The following CAMTA1 variants were observed in gnomAD, a reference collection of about 807,000 sequenced individuals.
CAMTA1 encodes calmodulin binding transcription activator 1, also known as calmodulin-binding transcription activator 1.
In CAMTA1, 27 loss-of-function variants were observed where a neutral mutation model predicts 170.9. That is an observed-to-expected ratio of 0.16 (90% CI 0.12 to 0.22). The LOEUF (loss-of-function observed/expected upper bound fraction) is 0.22, where lower values mean the gene tolerates loss of function less well. Among genes scored for constraint, CAMTA1 ranks in the 10% least tolerant of loss-of-function variants. The pLI, the probability that CAMTA1 is intolerant of heterozygous loss-of-function variation, is 1.00. For missense variants in CAMTA1, 1,619 were observed against 2,217.2 expected (o/e 0.73, Z 5.42); for synonymous variants, 833 against 891.5 (o/e 0.93, Z 1.17).
At chr1:7,320,402 C>T (rs536535854) in intron 5 of CAMTA1, among the ~76,000 whole-genome samples, 20 of 152,114 alleles carry the variant, frequency 1.3e-4, no homozygotes, top group Non-Finnish European at 2.2e-4. Context: ...AATCAGTTGG[C>T]CATATGCTAT....
At position 7,310,646 on chromosome 1, in the gene CAMTA1, T is replaced by TTC. The variant is rs1429082784; in HGVS notation, c.438+61021_438+61022insCT. ...TTTCTTTCTTTCTTTCTTTCTTTCT[T>TTC]TTTTCTTTCTTTCTTTCTTTCTTTC... On this transcript the variant is annotated intron_variant, in intron 5 of 22. Transcript: ENST00000303635. 8.6e-4 allele frequency among the ~76,000 whole-genome samples: 26 copies of TTC among 30,230 alleles called. 1 individual carries two copies. Among genetic ancestry groups the TTC allele is most frequent in the African/African-American group, 2.9e-3 (24 of 8,154 alleles). The allele number at this position is 30,230 out of a possible 152,430, so 19.8% of individuals were successfully genotyped here.
At chr1:7,486,038 T>C (rs1277194782) in intron 6 of CAMTA1, among the ~76,000 whole-genome samples, 20 of 152,226 alleles carry the variant, frequency 1.3e-4, no homozygotes, top group Non-Finnish European at 1.0e-4. Context: ...AGACCATGCT[T>C]TCCCAGCTCC....
chr1:7,348,242 C>T (rs2084372701), intron 5 of CAMTA1, among the ~76,000 whole-genome samples: 1 of 152,238 alleles, frequency 6.6e-6, no homozygotes, highest in African/African-American at 2.4e-5. Flanking sequence ...TTCCTCCTGG[C>T]CCAGCTTCAG....
chr1:6,997,520 C>T (rs1466644250), intron 3 of CAMTA1, among the ~76,000 whole-genome samples: 1 of 152,110 alleles, frequency 6.6e-6, no homozygotes, highest in Non-Finnish European at 1.5e-5. Context: ...GGTTTTTACA[C>T]ATCTCTCTAA....
intron 11 of CAMTA1, among the ~76,000 whole-genome samples, chr1:7,705,977 T>C (rs2096520538): frequency 6.6e-6 from 1 of 152,164 alleles, no homozygotes; most frequent in African/African-American, 2.4e-5. Flanking sequence ...TTGCGCCTCT[T>C]TAGAGGTGGC....
intron 3 of CAMTA1, among the ~76,000 whole-genome samples, chr1:7,061,458 G>A (rs981116930): frequency 1.3e-5 from 2 of 152,208 alleles, no homozygotes; most frequent in Non-Finnish European, 2.9e-5. Context: ...CGGCGTCTGT[G>A]CCAGACCAGT....
chr1:6,969,390 G>T (rs927749659), intron 3 of CAMTA1, among the ~76,000 whole-genome samples: 2 of 152,340 alleles, frequency 1.3e-5, no homozygotes, highest in East Asian at 3.9e-4. Flanking sequence ...GGAGTGAGCG[G>T]CTAGGTTGGG....
chr1:7,427,534 A>G (rs1384796499), intron 5 of CAMTA1, among the ~76,000 whole-genome samples: 1 of 152,236 alleles, frequency 6.6e-6, no homozygotes, highest in Admixed American at 6.5e-5. Context: ...TATAAGCTGT[A>G]TAAATAGTAT....
intron 3 of CAMTA1, among the ~76,000 whole-genome samples, chr1:7,090,423 G>A (rs1043726515): frequency 7.2e-5 from 11 of 152,294 alleles, no homozygotes; most frequent in South Asian, 6.2e-4. Context: ...CAGGAGCTGC[G>A]TGTTGTAGCA....
chr1:7,687,372 C>A (rs2096267954), intron 11 of CAMTA1, among the ~76,000 whole-genome samples: 1 of 151,942 alleles, frequency 6.6e-6, no homozygotes, highest in Non-Finnish European at 1.5e-5. Context: ...TGGGTAAGAG[C>A]CCTCCAAGCA....
intron 5 of CAMTA1, among the ~76,000 whole-genome samples, chr1:7,276,214 A>G (rs1265685591): frequency 7.1e-6 from 1 of 141,588 alleles, no homozygotes; most frequent in Non-Finnish European, 1.5e-5. Flanking sequence ...CTTTCAGCAA[A>G]CTAGATATAG....
chr1:7,732,556 G>A lies in CAMTA1; in HGVS notation c.3023G>A (p.Ser1008Asn). ...AAACAGGCGAGCGGAGGCGGCAGCA[G>A]TGGAGGCGGCAGCGGGAGCGGGAAT... ...QHKQASGGGS[S>N]GGGSGSGNGG... is the part of the protein sequence containing the mutation. The change falls in exon 12 of 23, where the codon AGT (serine) becomes AAT (asparagine). Residue 1008 changes from serine (S) to asparagine (N), a missense_variant. Coordinates refer to ENST00000303635, the MANE Select transcript of CAMTA1 (RefSeq NM_015215.4). This position sits in a 1 kb window ranked among gnomAD's most constrained non-coding sequence, Gnocchi z 4.1. 6.2e-7 allele frequency: 1 copy of A among 1,613,098 alleles called. No individual in the cohort carries two copies. The highest frequency in any genetic ancestry group is 8.5e-7 in the Non-Finnish European group (1 of 1,179,870).
intron 6 of CAMTA1, among the ~76,000 whole-genome samples, chr1:7,526,394 C>G (rs938731487): frequency 3.9e-5 from 6 of 152,150 alleles, no homozygotes; most frequent in African/African-American, 1.4e-4. Context: ...CCCTGCCCCC[C>G]ACCCCACAGT....
chr1:7,139,701 G>A (rs1645782425), intron 4 of CAMTA1, among the ~76,000 whole-genome samples: 1 of 152,174 alleles, frequency 6.6e-6, no homozygotes, highest in African/African-American at 2.4e-5. Context: ...GTCTTTTGTA[G>A]TCTTGTGTCC....
chr1:7,639,504 G>A (rs1194092816), intron 6 of CAMTA1, among the ~76,000 whole-genome samples: 2 of 152,200 alleles, frequency 1.3e-5, no homozygotes, highest in African/African-American at 2.4e-5. Context: ...TGGGTGCGGT[G>A]GCTCACGCCT....
chr1:7,459,556 T>C (rs2093034686), intron 5 of CAMTA1, among the ~76,000 whole-genome samples: 1 of 152,148 alleles, frequency 6.6e-6, no homozygotes, highest in Non-Finnish European at 1.5e-5. Flanking sequence ...GAACCACATT[T>C]TTACCCCCTT....
At position 7,054,127 on chromosome 1, in the gene CAMTA1, G is replaced by A. The variant is rs558301760; in HGVS notation, c.235-37177G>A. ...CTGGAACTTGGGTTGCACAAACAGGGGTCCCCTGGGCCTGCCCACTTGATT... is the reference window on the plus strand; with the variant it reads ...CTGGAACTTGGGTTGCACAAACAGGAGTCCCCTGGGCCTGCCCACTTGATT... On this transcript the variant is annotated intron_variant, in intron 3 of 22. Transcript: ENST00000303635. Among the ~76,000 whole-genome samples, 59 of 152,300 alleles carry A rather than the reference G, an allele frequency of 3.9e-4. 1 individual carries two copies. Among genetic ancestry groups the A allele is most frequent in the Admixed American group, 3.7e-3 (57 of 15,310 alleles).
intron 5 of CAMTA1, among the ~76,000 whole-genome samples, chr1:7,422,258 G>C (rs552356352): frequency 7.9e-5 from 12 of 152,204 alleles, no homozygotes; most frequent in Admixed American, 7.8e-4. Context: ...CATGCTAGGA[G>C]CTGAAGGGAG....
intron 6 of CAMTA1, among the ~76,000 whole-genome samples, chr1:7,480,312 TAA>T (rs145739448): frequency 0.53 from 77,742 of 147,776 alleles, 20,344 homozygotes; most frequent in African/African-American, 0.61. Context: ...AGTGCATTTG[TAA>T]GTGTGTGTGT....
Sources: gnomAD v4.1 joint callset for allele counts (sites outside exome capture counted in the v4.1 genomes callset) on GRCh38, gnomAD v4.1.1 for gene constraint, Gnocchi (gnomAD v3.1) non-coding constraint, MANE v1.5 for transcripts, NCBI Gene and HGNC (gene_info 2026-07-23, HGNC 2026-07-21) for gene names.